GPHN: variants seen among roughly 807,000 people sequenced by gnomAD.
GPHN encodes gephyrin.
A neutral mutation model predicts 95.5 loss-of-function variants in GPHN; 17 were observed. The ratio of observed to expected loss-of-function variants is 0.18; its 90% CI spans 0.12 to 0.27. GPHN has a LOEUF of 0.27. Among genes scored for constraint, GPHN ranks in the 10% least tolerant of loss-of-function variants. The pLI is 1.00. For missense variants in GPHN, 660 were observed against 978.1 expected (o/e 0.67, Z 4.34); for synonymous variants, 320 against 322.5 (o/e 0.99, Z 0.08).
At chr14:66,733,697 G>T (rs2072006272) in intron 2 of GPHN, among the ~76,000 whole-genome samples, 1 of 152,118 alleles carries the variant, frequency 6.6e-6, no homozygotes, top group Non-Finnish European at 1.5e-5. Flanking sequence ...TGGTAGTTAA[G>T]TGGGGAAGGC....
chr14:67,167,882 C>G (rs1380717361), intron 20 of GPHN, among the ~76,000 whole-genome samples: 1 of 152,190 alleles, frequency 6.6e-6, no homozygotes, highest in Non-Finnish European at 1.5e-5. Context: ...CACAAGAAAT[C>G]AAATCTGTTA....
At chr14:67,415,260 C>T in the GPHN span, among the ~76,000 whole-genome samples, 15 of 151,046 alleles carry the variant, frequency 9.9e-5, no homozygotes, top group South Asian at 4.2e-4. Flanking sequence ...ATTTTTGAAC[C>T]CTGCCTTTTT....
At chr14:66,568,666 G>T (rs912013233) in intron 1 of GPHN, among the ~76,000 whole-genome samples, 1 of 152,040 alleles carries the variant, frequency 6.6e-6, no homozygotes, top group Non-Finnish European at 1.5e-5. Context: ...ACATTAAACA[G>T]ATTGAATTCT....
chr14:67,297,432 T>G, the GPHN span, among the ~76,000 whole-genome samples: 1 of 109,784 alleles, frequency 9.1e-6, no homozygotes, highest in Non-Finnish European at 1.6e-5. Flanking sequence ...ATTTTACTAG[T>G]TTTTTTTGTG....
At chr14:66,900,444 ATTT>A (rs146764042) in intron 5 of GPHN, among the ~76,000 whole-genome samples, 2 of 146,286 alleles carry the variant, frequency 1.4e-5, no homozygotes, top group African/African-American at 2.5e-5. Flanking sequence ...ATTTTTTGAG[ATTT>A]TTTTCTTTTT....
chr14:67,176,830 T>C (rs919330332), intron 21 of GPHN, among the ~76,000 whole-genome samples: 5 of 152,228 alleles, frequency 3.3e-5, no homozygotes, highest in African/African-American at 1.2e-4. Context: ...CAGGAATTTA[T>C]CCATTTCTTC....
intron 9 of GPHN, among the ~76,000 whole-genome samples, chr14:66,994,966 C>T (rs1188325124): frequency 6.6e-6 from 1 of 152,076 alleles, no homozygotes; most frequent in Non-Finnish European, 1.5e-5. Flanking sequence ...TATTGAGCAC[C>T]TACTACATTC....
the GPHN span, among the ~76,000 whole-genome samples, chr14:67,483,102 C>T: frequency 6.6e-6 from 1 of 152,024 alleles, no homozygotes; most frequent in African/African-American, 2.4e-5. Context: ...CCTCTGTCGC[C>T]CGGGTTCAAG....
At chr14:67,206,553 T>C in the GPHN span, among the ~76,000 whole-genome samples, 4 of 151,876 alleles carry the variant, frequency 2.6e-5, no homozygotes, top group African/African-American at 9.7e-5. Flanking sequence ...ATTCACATAG[T>C]TCTACACAAT....
At chr14:66,771,478 A>G (rs1406707867) in intron 2 of GPHN, among the ~76,000 whole-genome samples, 2 of 152,192 alleles carry the variant, frequency 1.3e-5, no homozygotes, top group Non-Finnish European at 2.9e-5. Context: ...CACTGGCACA[A>G]GGGCAGGTAA....
At chr14:67,478,176 C>T in the GPHN span, among the ~76,000 whole-genome samples, 10 of 152,360 alleles carry the variant, frequency 6.6e-5, no homozygotes, top group Middle Eastern at 3.4e-3. Context: ...CATCCTCCTC[C>T]GGGGCCCAGT....
At chr14:67,634,774 A>C in the GPHN span, among the ~76,000 whole-genome samples, 1 of 152,272 alleles carries the variant, frequency 6.6e-6, no homozygotes, top group Non-Finnish European at 1.5e-5. Context: ...AGTACAATTC[A>C]GAGGCAGAAC....
intron 2 of GPHN, among the ~76,000 whole-genome samples, chr14:66,704,164 A>G (rs1300356512): frequency 6.6e-6 from 1 of 152,174 alleles, no homozygotes; most frequent in African/African-American, 2.4e-5. Flanking sequence ...ACTCAGATTT[A>G]TTAAACAAGT....
intron 2 of GPHN, among the ~76,000 whole-genome samples, chr14:66,765,999 G>A (rs2058949957): frequency 6.6e-6 from 1 of 152,116 alleles, no homozygotes. Flanking sequence ...ATTGTTTGAA[G>A]GAATTGGAGA....
At chr14:66,674,000 A>C (rs1228060626) in intron 1 of GPHN, among the ~76,000 whole-genome samples, 1 of 152,174 alleles carries the variant, frequency 6.6e-6, no homozygotes, top group East Asian at 1.9e-4. Flanking sequence ...GTGAACATTC[A>C]AAAGCTTCTC....
At chr14:66,697,764 T>G (rs1423467021) in intron 2 of GPHN, among the ~76,000 whole-genome samples, 2 of 151,378 alleles carry the variant, frequency 1.3e-5, no homozygotes, top group Admixed American at 1.3e-4. Context: ...CATGGCTTAC[T>G]GCTGCTTCTG....
chr14:66,721,030 C>G (rs944580386), intron 2 of GPHN, among the ~76,000 whole-genome samples: 9 of 152,154 alleles, frequency 5.9e-5, no homozygotes, highest in Non-Finnish European at 1.2e-4. Context: ...TTTATTTAGT[C>G]AAATCTAATT....
chr14:67,029,509 G>A (rs535830102), intron 10 of GPHN, among the ~76,000 whole-genome samples: 12 of 151,888 alleles, frequency 7.9e-5, no homozygotes, highest in East Asian at 3.9e-4. Context: ...AGCTAATTTC[G>A]TATTTTTAGT....
the GPHN span, among the ~76,000 whole-genome samples, chr14:67,558,607 C>T: frequency 6.6e-6 from 1 of 152,090 alleles, no homozygotes. Context: ...GGTCATTTTA[C>T]AATTGGAATC....
Sources: gnomAD v4.1 joint callset for allele counts (sites outside exome capture counted in the v4.1 genomes callset) on GRCh38, gnomAD v4.1.1 for gene constraint, MANE v1.5 for transcripts, NCBI Gene and HGNC (gene_info 2026-07-23, HGNC 2026-07-21) for gene names.